EXOC6B: variants seen among roughly 807,000 people sequenced by gnomAD.
EXOC6B encodes the protein SEC15 homolog B.
Under a neutral mutation model 113.5 loss-of-function variants are expected in EXOC6B, and 54 were observed. That is an observed-to-expected ratio of 0.48 (90% confidence interval 0.38 to 0.60). The LOEUF (loss-of-function observed/expected upper bound fraction) is 0.60. Ranked by LOEUF, EXOC6B falls within the 20% of genes least tolerant of loss-of-function variation. EXOC6B has a pLI of 0.00. For missense variants in EXOC6B, 797 were observed against 977.5 expected (o/e 0.82, Z 2.46); for synonymous variants, 357 against 339.0 (o/e 1.05, Z -0.58).
rs1173443822 is a variant in EXOC6B, at chr2:72,718,266, G to A, written c.506C>T (p.Thr169Ile). ...ALKTLEHLEH[T>I]YLPQVSHYRF... Reference sequence around the variant, plus strand: ...ATAGTGGCTTACTTGAGGCAGGTAGGTATGCTCTAGATGTTCCAGAGTTTT... The same window carrying A: ...ATAGTGGCTTACTTGAGGCAGGTAGATATGCTCTAGATGTTCCAGAGTTTT... The change falls in exon 6 of 22, where the codon ACC becomes ATC. Residue 169 changes from threonine to isoleucine, a missense_variant. Transcript: ENST00000272427. 3 of 1,613,770 alleles carry A rather than the reference G, an allele frequency of 1.9e-6. No individual in the cohort carries two copies. The highest frequency in any genetic ancestry group is 2.5e-6 in the Non-Finnish European group (3 of 1,179,764).
At chr2:72,183,582 A>G (rs1209103295) in intron 21 of EXOC6B, among the ~76,000 whole-genome samples, 1 of 152,132 alleles carries the variant, frequency 6.6e-6, no homozygotes, top group African/African-American at 2.4e-5. Flanking sequence ...TCAGTCTGGC[A>G]GGGGGTGGGA....
chr2:72,651,690 G>T (rs1326988029), intron 6 of EXOC6B, among the ~76,000 whole-genome samples: 1 of 152,142 alleles, frequency 6.6e-6, no homozygotes, highest in East Asian at 1.9e-4. Flanking sequence ...CCGCCTCCCA[G>T]GTTCATGCCA....
intron 20 of EXOC6B, among the ~76,000 whole-genome samples, chr2:72,295,123 C>T (rs1368698225): frequency 2.7e-5 from 4 of 149,936 alleles, no homozygotes; most frequent in African/African-American, 4.9e-5. Flanking sequence ...CCCAGCTACT[C>T]GGGAGGCTGA....
At chr2:72,777,749 C>T (rs1241959100) in intron 1 of EXOC6B, among the ~76,000 whole-genome samples, 1 of 151,990 alleles carries the variant, frequency 6.6e-6, no homozygotes, top group African/African-American at 2.4e-5. Flanking sequence ...AAAAACAATA[C>T]ATATCTCTGT....
Position 72,825,892 on chromosome 2 carries a change from C to G in EXOC6B, c.19G>C (p.Ala7Pro). ...GCTGTCTCCAGGCTCTCCGCCTCCG[C>G]CATCTTACCCCGCTCCATAGACTGG... MERGKM[A>P]EAESLETAAE... Residue 7 changes from alanine (A) to proline (P), a missense_variant, in exon 1 of 22, where the codon GCG (alanine) becomes CCG (proline). Coordinates refer to ENST00000272427, the MANE Select transcript of EXOC6B (RefSeq NM_015189.3). This position sits in a 1 kb window ranked among gnomAD's most constrained non-coding sequence, Gnocchi z 4.4. The G allele has an allele frequency of 6.2e-7, 1 of 1,613,196 alleles. No individual in the cohort carries two copies.
intron 19 of EXOC6B, among the ~76,000 whole-genome samples, chr2:72,371,114 A>G (rs1276752278): frequency 6.6e-6 from 1 of 152,038 alleles, no homozygotes; most frequent in Non-Finnish European, 1.5e-5. Flanking sequence ...GTTCAGCCAC[A>G]GTAGGATAGG....
intron 8 of EXOC6B, among the ~76,000 whole-genome samples, chr2:72,539,731 TGC>T (rs1026310882): frequency 8.5e-5 from 6 of 70,708 alleles, no homozygotes; most frequent in Admixed American, 5.9e-4. Context: ...CTGTGGGCTA[TGC>T]GTGTGTGTGT....
chr2:72,632,078 A>C (rs907471122), intron 6 of EXOC6B, among the ~76,000 whole-genome samples: 1 of 152,212 alleles, frequency 6.6e-6, no homozygotes, highest in Non-Finnish European at 1.5e-5. Context: ...GTGATGCTAC[A>C]TGAAAATGGA....
rs1358204548 is a variant in EXOC6B, at chr2:72,305,357, TA to T, written c.2196+29589del. Among the ~76,000 whole-genome samples, 165 of 151,716 alleles carry T rather than the reference TA, an allele frequency of 1.1e-3. 2 individuals carry two copies. Among genetic ancestry groups the T allele is most frequent in the African/African-American group, 2.0e-3 (83 of 41,174 alleles). ...ATATGTATATGTATATGTATATGTA[TA>T]TGTATATGTATATGTGTATGTATAT... On this transcript the variant is annotated intron_variant, in intron 20 of 21. Transcript: ENST00000272427.
intron 20 of EXOC6B, among the ~76,000 whole-genome samples, chr2:72,209,006 C>A (rs893422506): frequency 6.6e-6 from 1 of 151,774 alleles, no homozygotes; most frequent in Non-Finnish European, 1.5e-5. Context: ...GGTGGATCAC[C>A]TGAGGTCAAG....
intron 6 of EXOC6B, among the ~76,000 whole-genome samples, chr2:72,653,602 C>CCT (rs989128464): frequency 3.5e-5 from 5 of 144,576 alleles, no homozygotes; most frequent in African/African-American, 1.4e-4. Flanking sequence ...CCAGCAACCC[C>CCT]CCCCCAAAAA....
intron 20 of EXOC6B, among the ~76,000 whole-genome samples, chr2:72,285,341 TA>T (rs1685362307): frequency 6.6e-6 from 1 of 151,678 alleles, no homozygotes; most frequent in Admixed American, 6.6e-5. Context: ...AAAATATATA[TA>T]AAAAAGATAG....
chr2:72,477,878 T>G (rs1698844558), intron 17 of EXOC6B, among the ~76,000 whole-genome samples: 1 of 152,244 alleles, frequency 6.6e-6, no homozygotes, highest in African/African-American at 2.4e-5. Context: ...CATTTATTTT[T>G]TTTTCCCTAG....
At chr2:72,223,685 T>TTTTGTTTGTTTG (rs3029112) in intron 20 of EXOC6B, among the ~76,000 whole-genome samples, 4,472 of 151,408 alleles carry the variant, frequency 0.03, 87 homozygotes, top group Non-Finnish European at 0.042. Flanking sequence ...AAGGCCTGTT[T>TTTTGTTTGTTTG]TTTGTTTGTT....
At chr2:72,604,851 T>C (rs141547784) in intron 6 of EXOC6B, among the ~76,000 whole-genome samples, 40 of 152,344 alleles carry the variant, frequency 2.6e-4, no homozygotes, top group African/African-American at 9.6e-4. Flanking sequence ...TCTTCCCCAT[T>C]ACTGACAATT....
chr2:72,488,900 CA>C (rs1210708644), intron 16 of EXOC6B, among the ~76,000 whole-genome samples: 2 of 152,170 alleles, frequency 1.3e-5, no homozygotes, highest in East Asian at 3.9e-4. Flanking sequence ...AAAATAAAAG[CA>C]AAAGGCTTTA....
chr2:72,723,134 C>T (rs1222592791), intron 5 of EXOC6B, among the ~76,000 whole-genome samples: 1 of 152,132 alleles, frequency 6.6e-6, no homozygotes, highest in Admixed American at 6.5e-5. Context: ...AAAATATGTC[C>T]AGTGACCACG....
chr2:72,182,567 C>G (rs1678157308), intron 21 of EXOC6B, among the ~76,000 whole-genome samples: 2 of 151,976 alleles, frequency 1.3e-5, no homozygotes, highest in Non-Finnish European at 2.9e-5. Flanking sequence ...TCCCTTCGGT[C>G]AGGGCTTTAT....
chr2:72,691,006 C>A (rs529996435), intron 6 of EXOC6B, among the ~76,000 whole-genome samples: 3 of 152,220 alleles, frequency 2.0e-5, no homozygotes, highest in Non-Finnish European at 4.4e-5. Flanking sequence ...CACCTGTAAT[C>A]CCAATACTTC....
Sources: allele counts gnomAD v4.1 joint callset (sites outside exome capture counted in the v4.1 genomes callset), GRCh38; gene constraint gnomAD v4.1.1; non-coding constraint Gnocchi (gnomAD v3.1); transcripts MANE v1.5; gene names NCBI Gene and HGNC (gene_info 2026-07-23, HGNC 2026-07-21).